The following ZNF722 variants were observed in gnomAD, a reference collection of about 807,000 sequenced individuals.
ZNF722 encodes the protein zinc finger protein 722, also known as zinc finger protein 479 pseudogene.
chr7:64,006,347 C>A, the ZNF722 span: 2 of 1,239,314 alleles, frequency 1.6e-6, no homozygotes, highest in Non-Finnish European at 2.3e-6. Flanking sequence ...AAGCAGATGA[C>A]ACAGATGAGA....
the ZNF722 span, among the ~76,000 whole-genome samples, chr7:64,012,789 G>C: frequency 3.3e-5 from 5 of 152,172 alleles, no homozygotes. Context: ...GTAATCTCCA[G>C]TGTTGGATGT....
chr7:64,000,831 G>A, the ZNF722 span, among the ~76,000 whole-genome samples: 2 of 152,078 alleles, frequency 1.3e-5, no homozygotes, highest in African/African-American at 4.8e-5. Flanking sequence ...AGGCTGGAGT[G>A]CATTGGTGTG....
chr7:64,016,077 A>G, the ZNF722 span: 2 of 582,520 alleles, frequency 3.4e-6, no homozygotes, highest in Non-Finnish European at 5.8e-6. Flanking sequence ...TTATAAATGT[A>G]AAAAAATGTA....
chr7:64,009,230 CTTTA>C, the ZNF722 span, among the ~76,000 whole-genome samples: 2 of 152,114 alleles, frequency 1.3e-5, no homozygotes, highest in Admixed American at 1.3e-4. Flanking sequence ...ATTGAATACC[CTTTA>C]TTTATTTTTC....
the ZNF722 span, chr7:64,005,601 GT>G: frequency 1.9e-6 from 2 of 1,075,380 alleles, no homozygotes; most frequent in African/African-American, 1.6e-5. Flanking sequence ...TTTTGTTTTT[GT>G]TTTTTTCAGA....
chr7:64,000,132 T>TTG, the ZNF722 span, among the ~76,000 whole-genome samples: 195 of 139,780 alleles, frequency 1.4e-3, no homozygotes, highest in African/African-American at 4.0e-3. Flanking sequence ...TTTTTTTTTT[T>TTG]TGTGTGTGTG....
At chr7:64,000,132 T>TGTGTGTG in the ZNF722 span, among the ~76,000 whole-genome samples, 6 of 139,822 alleles carry the variant, frequency 4.3e-5, no homozygotes, top group South Asian at 2.3e-4. Context: ...TTTTTTTTTT[T>TGTGTGTG]TGTGTGTGTG....
At chr7:64,014,771 A>G in the ZNF722 span, among the ~76,000 whole-genome samples, 28 of 152,288 alleles carry the variant, frequency 1.8e-4, no homozygotes, top group African/African-American at 6.3e-4. Context: ...CAAATGTAGC[A>G]GACTTTTCTT....
chr7:64,003,101 T>C, the ZNF722 span, among the ~76,000 whole-genome samples: 3 of 152,136 alleles, frequency 2.0e-5, no homozygotes, highest in African/African-American at 7.2e-5. Flanking sequence ...CAAGATACAT[T>C]CAGGAGAGTT....
the ZNF722 span, chr7:64,016,077 A>T: frequency 1.7e-6 from 1 of 582,402 alleles, no homozygotes; most frequent in Non-Finnish European, 2.9e-6. Context: ...TTATAAATGT[A>T]AAAAAATGTA....
At chr7:64,012,889 CTCT>C in the ZNF722 span, among the ~76,000 whole-genome samples, 14 of 152,280 alleles carry the variant, frequency 9.2e-5, 1 homozygote, top group African/African-American at 3.4e-4. Context: ...AGTTCTCACT[CTCT>C]TAATTCACAT....
At chr7:63,999,003 G>C in the ZNF722 span, 1 of 1,576,788 alleles carries the variant, frequency 6.3e-7, no homozygotes, top group South Asian at 1.1e-5. Context: ...GAGAAATGGT[G>C]AGTGCTGGGT....
the ZNF722 span, chr7:64,006,412 C>A: frequency 1.1e-6 from 1 of 887,940 alleles, no homozygotes. Flanking sequence ...GGGAGCTGTG[C>A]TTCGATGGAA....
At chr7:64,015,753 T>G in the ZNF722 span, 1 of 1,613,676 alleles carries the variant, frequency 6.2e-7, no homozygotes, top group African/African-American at 1.3e-5. Context: ...ATGTGAAGAA[T>G]GTGGCAGAGC....
the ZNF722 span, chr7:64,015,714 A>G: frequency 3.4e-4 from 544 of 1,613,886 alleles, 1 homozygote; most frequent in African/African-American, 5.9e-3. Context: ...TGACCACAAG[A>G]GAATTCATAC....
the ZNF722 span, among the ~76,000 whole-genome samples, chr7:64,006,815 A>G: frequency 7.8e-6 from 1 of 127,552 alleles, no homozygotes; most frequent in South Asian, 2.5e-4. Flanking sequence ...TTTCATTTTT[A>G]AATTTTTATA....
chr7:64,015,789 A>C, the ZNF722 span: 1 of 1,612,034 alleles, frequency 6.2e-7, no homozygotes, highest in Non-Finnish European at 8.5e-7. Context: ...AACCCTTAAG[A>C]CACATAAGAG....
the ZNF722 span, among the ~76,000 whole-genome samples, chr7:64,014,027 T>A: frequency 9.2e-5 from 14 of 152,146 alleles, no homozygotes; most frequent in Admixed American, 1.3e-4. Flanking sequence ...TTATAAATAA[T>A]ACCTCACTTT....
At chr7:64,002,444 C>T in the ZNF722 span, among the ~76,000 whole-genome samples, 2 of 152,042 alleles carry the variant, frequency 1.3e-5, no homozygotes, top group Non-Finnish European at 2.9e-5. Context: ...TTTGTGTCTG[C>T]CTTAATTTCA....
Sources: allele counts gnomAD v4.1 joint callset (sites outside exome capture counted in the v4.1 genomes callset), GRCh38; gene constraint gnomAD v4.1.1; transcripts MANE v1.5; gene names NCBI Gene and HGNC (gene_info 2026-07-23, HGNC 2026-07-21).